RHBDD2: variants seen among roughly 807,000 people sequenced by gnomAD.
RHBDD2 encodes rhomboid domain containing 2, also known as rhomboid domain-containing protein 2.
Under a neutral mutation model 21.7 loss-of-function variants are expected in RHBDD2, and 13 were observed. That is an observed-to-expected ratio of 0.60 (90% CI 0.39 to 0.95). The LOEUF (loss-of-function observed/expected upper bound fraction) is 0.95, where lower values mean the gene tolerates loss of function less well. Among genes scored for constraint, RHBDD2 ranks in the 40% least tolerant of loss-of-function variants. RHBDD2 has a pLI of 0.00. For synonymous variants in RHBDD2, 225 were observed against 220.0 expected (o/e 1.02, Z -0.20); for missense variants, 473 against 478.9 (o/e 0.99, Z 0.11).
rs141915553 is a variant in RHBDD2, at chr7:75,883,213, C to T, written c.587-485C>T. On this transcript the variant is annotated intron_variant, in intron 2 of 3. Coordinates refer to ENST00000006777, the MANE Select transcript of RHBDD2 (RefSeq NM_001040456.3). ...GGGCGCATTCATTCCCGGTGAGGCA[C>T]AGTGAGTAGAAACCTTTGGCTCTGG... Among the ~76,000 whole-genome samples, 1,031 of 152,240 alleles carry T rather than the reference C, an allele frequency of 6.8e-3. 11 individuals are homozygous for T. Among genetic ancestry groups the T allele is most frequent in the African/African-American group, 0.023 (968 of 41,538 alleles).
intron 2 of RHBDD2, 124 bp from the exon 3 acceptor site, chr7:75,883,574 A>C: frequency 1.3e-6 from 1 of 770,930 alleles, no homozygotes; most frequent in Non-Finnish European, 2.1e-6. Context: ...AACTCCAGCC[A>C]GAGTGTGCAG....
At chr7:75,886,849 G>C (rs1468032924) in intron 3 of RHBDD2, among the ~76,000 whole-genome samples, 1 of 151,696 alleles carries the variant, frequency 6.6e-6, no homozygotes, top group African/African-American at 2.4e-5. Context: ...ATGCTGAATT[G>C]CAATCAGCCT....
At position 75,888,524 on chromosome 7, in the gene RHBDD2, A is replaced by C. The variant is rs1462226590; in HGVS notation, c.*175A>C. 5.1e-6 allele frequency: 3 copies of C among 584,034 alleles called. No individual in the cohort carries two copies. Among genetic ancestry groups the C allele is most frequent in the Non-Finnish European group, 9.0e-6 (3 of 331,566 alleles). The allele number at this position is 584,034 out of a possible 1,614,324, so 36.2% of individuals were successfully genotyped here. ...ACGGCAGCCCTGTGGAGTACGGTGTACTGGCCCAGCTTACAGATGCAGAAA... is the reference window on the plus strand; with the variant it reads ...ACGGCAGCCCTGTGGAGTACGGTGTCCTGGCCCAGCTTACAGATGCAGAAA... On this transcript the variant is annotated 3_prime_UTR_variant, in exon 4 of 4. Transcript: ENST00000006777.
intron 3 of RHBDD2, 89 bp downstream of exon 3, chr7:75,883,937 C>A (rs748878834): frequency 1.2e-5 from 14 of 1,120,572 alleles, no homozygotes; most frequent in Non-Finnish European, 1.7e-5. Context: ...CTCTGTCACC[C>A]AGGCTGTAGT....
rs1554542654 is a variant in RHBDD2, at chr7:75,881,997, C to G, written c.347C>G (p.Ser116Ter). The G allele has an allele frequency of 6.2e-7, 1 of 1,614,238 alleles. No individual in the cohort carries two copies. Among genetic ancestry groups the G allele is most frequent in the South Asian group, 1.1e-5 (1 of 91,086 alleles). ...ATCTTCTCCGCTATCATCTTCCTGT[C>G]ATTCGAGGCTGTGTCATCACTGTCA... ...FAIFSAIIFL[S>*]FEAVSSLSKL... The change falls in exon 2 of 4, where the codon TCA (serine) becomes TGA (stop). Residue 116 changes from serine (S) to a stop codon, truncating the protein, a stop_gained. Transcript: ENST00000006777. LOFTEE classifies it high-confidence loss of function.
At chr7:75,886,217 G>C (rs1805655924) in intron 3 of RHBDD2, among the ~76,000 whole-genome samples, 1 of 152,126 alleles carries the variant, frequency 6.6e-6, no homozygotes, top group African/African-American at 2.4e-5. Flanking sequence ...CTTCCAAGAG[G>C]TGCTCCCAGC....
chr7:75,881,441 A>G, intron 1 of RHBDD2: 2 of 1,297,044 alleles, frequency 1.5e-6, no homozygotes, highest in Non-Finnish European at 2.0e-6. Flanking sequence ...CACTCAATCC[A>G]CCCCGAAGCT....
In RHBDD2 at chr7:75,883,695, C is replaced by T. The variant is rs2116016434; in HGVS notation, c.587-3C>T. On this transcript the variant is annotated splice_polypyrimidine_tract_variant and splice_region_variant and intron_variant, in intron 2 of 3. Coordinates refer to ENST00000006777, the MANE Select transcript of RHBDD2 (RefSeq NM_001040456.3). ...CCAGTTTCACTTAACACGCCAACCT[C>T]AGATGGCCTCACCTACTGCTATTCC... 2 of 1,612,660 alleles carry T rather than the reference C, an allele frequency of 1.2e-6. No homozygotes were observed. The highest frequency in any genetic ancestry group is 8.5e-7 in the Non-Finnish European group (1 of 1,179,334).
At position 75,883,697 on chromosome 7, in the gene RHBDD2, G is replaced by C; in HGVS notation, c.587-1G>C. 6.2e-7 allele frequency: 1 copy of C among 1,612,814 alleles called. No individual in the cohort carries two copies. The highest frequency in any genetic ancestry group is 8.5e-7 in the Non-Finnish European group (1 of 1,179,492). On this transcript the variant is annotated splice_acceptor_variant, in intron 2 of 3. Transcript: ENST00000006777. LOFTEE classifies it high-confidence loss of function. The stretch of plus-strand genomic sequence containing the variant: ...AGTTTCACTTAACACGCCAACCTCA[G>C]ATGGCCTCACCTACTGCTATTCCAT...
intron 1 of RHBDD2, 97 bp downstream of exon 1, chr7:75,879,357 C>T: frequency 1.7e-6 from 2 of 1,156,706 alleles, no homozygotes; most frequent in Non-Finnish European, 2.3e-6. Context: ...CTTCAGGCCT[C>T]ACCGCCAGTC....
chr7:75,882,210 T>C lies in RHBDD2; in HGVS notation c.560T>C (p.Val187Ala), dbSNP rs576016970. 1.9e-6 allele frequency: 3 copies of C among 1,613,496 alleles called. No homozygotes were observed. In the South Asian group the frequency reaches 3.3e-5, roughly 18 times the overall value. Residue 187 changes from valine to alanine, a missense_variant, in exon 2 of 4, where the codon GTC becomes GCC. Coordinates refer to ENST00000006777, the MANE Select transcript of RHBDD2 (RefSeq NM_001040456.3). ...CCCCAGACCTCTTTCCTCAGTAATG[T>C]CTGCGGGCTGTCCATCGGGCTGGCC... ...LIPQTSFLSN[V>A]CGLSIGLAYG... is the part of the protein sequence containing the mutation.
intron 2 of RHBDD2, chr7:75,883,441 C>T: frequency 3.7e-6 from 1 of 267,122 alleles, no homozygotes; most frequent in East Asian, 7.9e-5. Context: ...ATGGTGTGAT[C>T]TGGGAGGCGG....
Position 75,879,041 on chromosome 7 carries a change from C to A in RHBDD2, c.-42C>A. ...CGAGGAGGCGGAAGGAGCAGAGGAC[C>A]GGCAGCCGGCGTCGAGGCGGGGCGC... On this transcript the variant is annotated 5_prime_UTR_variant, in exon 1 of 4. Transcript: ENST00000006777. The A allele has an allele frequency of 7.3e-7, 1 of 1,363,532 alleles. No homozygotes were observed. The highest frequency in any genetic ancestry group is 1.7e-5 in the South Asian group (1 of 59,812). 84.5% of individuals were successfully genotyped at this position (1,363,532 alleles called of 1,614,324 possible).
At position 75,882,099 on chromosome 7, in the gene RHBDD2, C is replaced by T. The variant is rs1327755770; in HGVS notation, c.449C>T (p.Ser150Phe). The T allele has an allele frequency of 1.2e-6, 2 of 1,614,118 alleles. No homozygotes were observed. Among genetic ancestry groups the T allele is most frequent in the African/African-American group, 2.7e-5 (2 of 74,940 alleles). Residue 150 changes from serine (S) to phenylalanine (F), a missense_variant, in exon 2 of 4, where the codon TCT becomes TTT. Transcript: ENST00000006777. The part of the protein sequence containing the change: ...FAMLGVTTVR[S>F]RMRRALVFGM... ...ATGCTGGGAGTCACCACCGTCCGTT[C>T]TCGGATGAGGCGGGCCCTGGTGTTT...
chr7:75,887,865 C>A, intron 3 of RHBDD2, 127 bp from the exon 4 acceptor site: 1 of 815,316 alleles, frequency 1.2e-6, no homozygotes, highest in Non-Finnish European at 2.0e-6. Flanking sequence ...CCACTTGGTA[C>A]TTAGAGCAAG....
chr7:75,880,617 T>TC (rs1275884566), intron 1 of RHBDD2, among the ~76,000 whole-genome samples: 1 of 152,152 alleles, frequency 6.6e-6, no homozygotes, highest in Non-Finnish European at 1.5e-5. Context: ...AAGATTCCAC[T>TC]CCAAGTCTTT....
In RHBDD2 at chr7:75,888,518, C is replaced by G; in HGVS notation, c.*169C>G. On this transcript the variant is annotated 3_prime_UTR_variant, in exon 4 of 4. Transcript: ENST00000006777. ...GTACTCACGGCAGCCCTGTGGAGTA[C>G]GGTGTACTGGCCCAGCTTACAGATG... The G allele has an allele frequency of 1.6e-6, 1 of 610,160 alleles. No homozygotes were observed. Among genetic ancestry groups the G allele is most frequent in the East Asian group, 2.8e-5 (1 of 36,256 alleles). The allele number at this position is 610,160 out of a possible 1,614,324, so 37.8% of individuals were successfully genotyped here.
chr7:75,880,903 T>A (rs1805287288), intron 1 of RHBDD2, among the ~76,000 whole-genome samples: 1 of 151,992 alleles, frequency 6.6e-6, no homozygotes, highest in Non-Finnish European at 1.5e-5. Context: ...TTTTTAAATT[T>A]TTTTTAAAGA....
rs1554544497 is a variant in RHBDD2 at position 75,888,253 on chromosome 7, C to G, written c.999C>G (p.Pro333=). Residue 333 remains proline, a synonymous_variant, in exon 4 of 4, where the codon CCC becomes CCG. Transcript: ENST00000006777. ...GCACCTCCCTGGGCATCCAGCCCCC[C>G]ACGCCTGTGAACAGCCCTGGCACGG... ...SAGTSLGIQP[P]TPVNSPGTVY... The G allele has an allele frequency of 5.0e-6, 8 of 1,613,642 alleles. No homozygotes were observed. The South Asian group carries it at 7.7e-5, about 16-fold the overall frequency.
Sources: allele counts gnomAD v4.1 joint callset (sites outside exome capture counted in the v4.1 genomes callset), GRCh38; gene constraint gnomAD v4.1.1; transcripts MANE v1.5; gene names NCBI Gene and HGNC (gene_info 2026-07-23, HGNC 2026-07-21).